Variants in NDRG3 observed in about 807,000 individuals in gnomAD.
The protein encoded by NDRG3 is protein NDRG3.
Under a neutral mutation model 57.2 loss-of-function variants are expected in NDRG3, and 23 were observed. The ratio of observed to expected loss-of-function variants is 0.40; its 90% CI spans 0.29 to 0.57. The LOEUF (loss-of-function observed/expected upper bound fraction) is 0.57, where lower values mean the gene tolerates loss of function less well. Ranked by LOEUF, NDRG3 falls within the 20% of genes least tolerant of loss-of-function variation. NDRG3 has a pLI of 0.42. For synonymous variants in NDRG3, 132 were observed against 162.6 expected (o/e 0.81, Z 1.43); for missense variants, 384 against 457.3 (o/e 0.84, Z 1.46).
At chr20:36,669,240 T>C (rs1156370466) in intron 9 of NDRG3, among the ~76,000 whole-genome samples, 2 of 150,492 alleles carry the variant, frequency 1.3e-5, no homozygotes, top group Non-Finnish European at 3.0e-5. Flanking sequence ...ATTTTTTTTT[T>C]TTTTCTGGGA....
Position 36,656,487 on chromosome 20 carries a change from T to C in NDRG3, c.894+10A>G, listed in dbSNP as rs759625252. ...GAATTAAATGGGTGTTTAAAAAAAATTCTCCTTACCTGAACTACCTGGGGC... is the reference window on the plus strand; with the variant it reads ...GAATTAAATGGGTGTTTAAAAAAAACTCTCCTTACCTGAACTACCTGGGGC... On this transcript the variant is annotated intron_variant, in intron 14 of 15. Transcript: ENST00000349004. 17 of 1,614,006 alleles carry C rather than the reference T, an allele frequency of 1.1e-5. 1 individual carries two copies. The South Asian group carries it at 1.8e-4, about 17-fold the overall frequency.
At chr20:36,673,424 G>A (rs970335410) in intron 8 of NDRG3, among the ~76,000 whole-genome samples, 65 of 151,568 alleles carry the variant, frequency 4.3e-4, no homozygotes, top group African/African-American at 1.5e-3. Flanking sequence ...TTTGAGACAG[G>A]GTCTCGTTCT....
At position 36,721,673 on chromosome 20, in the gene NDRG3, C is replaced by T; in HGVS notation, c.57+6G>A. The T allele has an allele frequency of 6.3e-7, 1 of 1,585,756 alleles. No homozygotes were observed. Among genetic ancestry groups the T allele is most frequent in the Non-Finnish European group, 8.6e-7 (1 of 1,158,118 alleles). On this transcript the variant is annotated splice_donor_region_variant and intron_variant, in intron 2 of 15. Transcript: ENST00000349004. Reference sequence around the variant, plus strand: ...CATATTTTAGTGAAAACAGAAAAGTCTTTACCTTATCATTTAGAAGTGGTT... The same window carrying T: ...CATATTTTAGTGAAAACAGAAAAGTTTTTACCTTATCATTTAGAAGTGGTT...
intron 1 of NDRG3, among the ~76,000 whole-genome samples, chr20:36,737,828 C>G (rs145870715): frequency 7.2e-4 from 109 of 152,204 alleles, no homozygotes; most frequent in African/African-American, 2.5e-3. Context: ...ACCTGTAATA[C>G]CAGCACTTTG....
At chr20:36,678,607 G>C (rs1297941979) in intron 8 of NDRG3, among the ~76,000 whole-genome samples, 1 of 152,188 alleles carries the variant, frequency 6.6e-6, no homozygotes, top group East Asian at 1.9e-4. Context: ...TTAAACCTGG[G>C]AGGCAGAGGT....
Position 36,711,253 on chromosome 20 carries a change from T to C in NDRG3, c.58-4246A>G, listed in dbSNP as rs541217254. ...GAGATCACGCCACTGCACTCCAGCC[T>C]GGGCGACAGTGCGAGACTCCGTCTC... On this transcript the variant is annotated intron_variant, in intron 2 of 15. Coordinates refer to ENST00000349004, the MANE Select transcript of NDRG3 (RefSeq NM_032013.4). Among the ~76,000 whole-genome samples the C allele has an allele frequency of 2.6e-4, 39 of 151,540 alleles. 2 individuals are homozygous for C. In the South Asian group the frequency reaches 7.9e-3, roughly 31 times the overall value.
chr20:36,679,398 AT>A (rs1185010657), intron 8 of NDRG3, among the ~76,000 whole-genome samples: 2 of 152,368 alleles, frequency 1.3e-5, no homozygotes, highest in Admixed American at 1.3e-4. Context: ...CATAAGGAAT[AT>A]GCACAGCAGC....
At chr20:36,711,179 G>A (rs1233254324) in intron 2 of NDRG3, among the ~76,000 whole-genome samples, 1 of 149,510 alleles carries the variant, frequency 6.7e-6, no homozygotes, top group Admixed American at 6.7e-5. Context: ...CTACTCACGA[G>A]GCTGAGGCAG....
intron 9 of NDRG3, among the ~76,000 whole-genome samples, chr20:36,667,858 C>T (rs1208605388): frequency 6.6e-6 from 1 of 152,134 alleles, no homozygotes; most frequent in Non-Finnish European, 1.5e-5. Context: ...AAGCGTCTAC[C>T]TGAAACTGAA....
intron 1 of NDRG3, among the ~76,000 whole-genome samples, chr20:36,734,597 G>C (rs1289690966): frequency 6.6e-6 from 1 of 152,084 alleles, no homozygotes; most frequent in Admixed American, 6.6e-5. Flanking sequence ...GTTCGAGGCA[G>C]TATACATAGA....
chr20:36,704,430 T>G (rs545850951), intron 3 of NDRG3, among the ~76,000 whole-genome samples: 2 of 152,288 alleles, frequency 1.3e-5, no homozygotes, highest in African/African-American at 4.8e-5. Context: ...AATTAATACT[T>G]CTACACTTTG....
chr20:36,743,231 C>G (rs1267540716), intron 1 of NDRG3, among the ~76,000 whole-genome samples: 1 of 152,202 alleles, frequency 6.6e-6, no homozygotes, highest in Non-Finnish European at 1.5e-5. Flanking sequence ...CGGAGGCTCA[C>G]GCCTGTAATC....
At chr20:36,700,980 C>A (rs1983187750) in intron 3 of NDRG3, among the ~76,000 whole-genome samples, 1 of 152,052 alleles carries the variant, frequency 6.6e-6, no homozygotes, top group South Asian at 2.1e-4. Context: ...CCCTATATTG[C>A]CCAAGCTGAT....
intron 2 of NDRG3, among the ~76,000 whole-genome samples, chr20:36,708,642 C>T (rs1310189779): frequency 4.6e-5 from 6 of 130,082 alleles, no homozygotes; most frequent in East Asian, 2.1e-4. Flanking sequence ...AGCGAGACTC[C>T]GTCTCAAAAA....
chr20:36,655,464 T>TA (rs1341873931), intron 15 of NDRG3, among the ~76,000 whole-genome samples: 3 of 152,220 alleles, frequency 2.0e-5, no homozygotes, highest in African/African-American at 7.2e-5. Flanking sequence ...TCAGAGGTCT[T>TA]ACAATACAAG....
intron 12 of NDRG3, 72 bp downstream of exon 12, chr20:36,664,974 C>G (rs975583562): frequency 2.8e-6 from 4 of 1,447,774 alleles, no homozygotes; most frequent in Non-Finnish European, 1.9e-6. Context: ...CAGGCGTGAG[C>G]CACTGCACCT....
intron 3 of NDRG3, among the ~76,000 whole-genome samples, chr20:36,690,074 G>A (rs982135839): frequency 1.3e-5 from 2 of 152,060 alleles, no homozygotes; most frequent in Non-Finnish European, 2.9e-5. Context: ...TTGAAAAGAG[G>A]AATCAACTTG....
chr20:36,657,689 C>T (rs1978803996), intron 13 of NDRG3, among the ~76,000 whole-genome samples: 1 of 152,160 alleles, frequency 6.6e-6, no homozygotes, highest in Non-Finnish European at 1.5e-5. Context: ...TTTCAATTCA[C>T]TGGCATTAAA....
chr20:36,661,928 C>T (rs1979234150), intron 12 of NDRG3, among the ~76,000 whole-genome samples: 2 of 152,140 alleles, frequency 1.3e-5, no homozygotes, highest in African/African-American at 2.4e-5. Flanking sequence ...ATCACCAAAT[C>T]GGAGTTTTGA....
Sources: gnomAD v4.1 joint callset for allele counts (sites outside exome capture counted in the v4.1 genomes callset) on GRCh38, gnomAD v4.1.1 for gene constraint, MANE v1.5 for transcripts, NCBI Gene and HGNC (gene_info 2026-07-23, HGNC 2026-07-21) for gene names.